Variants in IGF2R observed in about 807,000 individuals in gnomAD.
The protein encoded by IGF2R is insulin like growth factor 2 receptor.
In IGF2R, 91 loss-of-function variants were observed where a neutral mutation model predicts 270.6. The ratio of observed to expected loss-of-function variants is 0.34; its 90% CI spans 0.28 to 0.40. The LOEUF (loss-of-function observed/expected upper bound fraction) is 0.40, where lower values mean the gene tolerates loss of function less well. Among genes scored for constraint, IGF2R ranks in the 10% least tolerant of loss-of-function variants. The pLI, the probability that IGF2R is intolerant of heterozygous loss-of-function variation, is 1.00. For synonymous variants in IGF2R, 1,316 were observed against 1,258.9 expected, an observed-to-expected ratio of 1.05 and a Z score of -0.96; for missense variants, 2,805 against 3,188.3, an observed-to-expected ratio of 0.88 and a Z score of 2.90.
chr6:159,976,130 C>T (rs962513075), intron 1 of IGF2R, among the ~76,000 whole-genome samples: 2 of 152,054 alleles, frequency 1.3e-5, no homozygotes, highest in Non-Finnish European at 2.9e-5. Flanking sequence ...CTGGCAGGCT[C>T]TTAGGTGGAA....
chr6:160,078,798 G>C (rs1357999626), intron 37 of IGF2R, among the ~76,000 whole-genome samples: 2 of 152,194 alleles, frequency 1.3e-5, no homozygotes, highest in African/African-American at 4.8e-5. Flanking sequence ...GATTGTGGCA[G>C]CTTTGGGAAG....
At chr6:159,991,401 C>A in intron 2 of IGF2R, 78 bp downstream of exon 2, 2 of 1,180,558 alleles carry the variant, frequency 1.7e-6, no homozygotes, top group South Asian at 1.5e-5. Flanking sequence ...TATAGCTATA[C>A]GTATATAGCG....
intron 11 of IGF2R, among the ~76,000 whole-genome samples, chr6:160,041,526 G>A (rs1326267237): frequency 6.6e-6 from 1 of 152,178 alleles, no homozygotes; most frequent in African/African-American, 2.4e-5. Flanking sequence ...ATCAGTAGGT[G>A]CAGCAAACCA....
chr6:160,066,159 C>T (rs1043241952), intron 29 of IGF2R, among the ~76,000 whole-genome samples: 6 of 151,862 alleles, frequency 4.0e-5, no homozygotes, highest in South Asian at 2.1e-4. Flanking sequence ...GGATTACAGG[C>T]GCCCGCCACC....
intron 39 of IGF2R, among the ~76,000 whole-genome samples, chr6:160,083,384 A>G (rs1171571702): frequency 6.6e-6 from 1 of 152,210 alleles, no homozygotes; most frequent in African/African-American, 2.4e-5. Flanking sequence ...ATCGGGTTTT[A>G]TACCGAGACA....
intron 22 of IGF2R, among the ~76,000 whole-genome samples, chr6:160,059,447 C>T (rs1778385387): frequency 6.6e-6 from 1 of 152,204 alleles, no homozygotes; most frequent in Non-Finnish European, 1.5e-5. Context: ...ACAAATTGAG[C>T]TTCATCCTCT....
chr6:160,023,115 T>A (rs1777474010), intron 4 of IGF2R, among the ~76,000 whole-genome samples: 1 of 152,060 alleles, frequency 6.6e-6, no homozygotes, highest in Non-Finnish European at 1.5e-5. Context: ...GCTGAGGTAG[T>A]AGGGCACTGA....
chr6:160,020,684 T>C (rs1010459012), intron 4 of IGF2R, among the ~76,000 whole-genome samples: 6 of 152,126 alleles, frequency 3.9e-5, no homozygotes, highest in African/African-American at 1.4e-4. Flanking sequence ...GACAAAAACA[T>C]ACACTGGGGA....
chr6:160,062,201 T>G, intron 25 of IGF2R, among the ~76,000 whole-genome samples: 1 of 133,142 alleles, frequency 7.5e-6, no homozygotes, highest in Non-Finnish European at 1.6e-5. Flanking sequence ...TGAGATGGAG[T>G]CTTACTCTGT....
intron 20 of IGF2R, among the ~76,000 whole-genome samples, 194 bp downstream of exon 20, chr6:160,056,719 C>G (rs968293125): frequency 2.0e-5 from 3 of 152,192 alleles, no homozygotes; most frequent in Non-Finnish European, 4.4e-5. Flanking sequence ...GGATAAGAAC[C>G]AGGTCCCTCA....
intron 4 of IGF2R, among the ~76,000 whole-genome samples, chr6:160,016,047 A>G (rs1361406464): frequency 6.6e-6 from 1 of 152,184 alleles, no homozygotes; most frequent in African/African-American, 2.4e-5. Context: ...TTCTTTATAA[A>G]TTACCCAGTC....
chr6:160,061,481 G>A lies in IGF2R; in HGVS notation c.3263-22G>A, dbSNP rs55987231. The A allele has an allele frequency of 4.9e-3, 7,885 of 1,611,954 alleles. 34 individuals carry two copies. Among genetic ancestry groups the A allele is most frequent in the Non-Finnish European group, 6.0e-3 (7,102 of 1,178,814 alleles). On this transcript the variant is annotated intron_variant, in intron 23 of 47. Coordinates refer to ENST00000356956, the MANE Select transcript of IGF2R (RefSeq NM_000876.4). ...TCACAAGGAGGCAGAGTTCTCCAGC[G>A]TGGTTTTTTGTTGTGTTTCAGACCT... is the stretch of plus-strand genomic sequence containing the variant.
rs551602405 is a variant in IGF2R at position 160,067,188 on chromosome 6, G to A, written c.4116-1061G>A. 5.9e-5 allele frequency among the ~76,000 whole-genome samples: 9 copies of A among 152,182 alleles called. No homozygotes were observed. The South Asian group carries it at 1.0e-3, about 18-fold the overall frequency. ...GCCACACGGGGTTTCTGTCTTTCTC[G>A]GGTCATGTCGGGCTTATGTGCCTCG... On this transcript the variant is annotated intron_variant, in intron 29 of 47. Coordinates refer to ENST00000356956, the MANE Select transcript of IGF2R (RefSeq NM_000876.4).
At chr6:160,096,034 A>G (rs1779349022) in intron 44 of IGF2R, 1 of 154,912 alleles carries the variant, frequency 6.5e-6, no homozygotes, top group Non-Finnish European at 1.4e-5. Context: ...TAGAAAGGGA[A>G]GAATATCTGA....
In IGF2R at chr6:160,105,933, G is replaced by A. The variant is rs1191783096; in HGVS notation, c.*849G>A. ...TGTGTGTGTGTGTGTGTGTGTGTGTGTGTGTGAGTGGAGTTGAGGTGTCAG... is the reference window on the plus strand; with the variant it reads ...TGTGTGTGTGTGTGTGTGTGTGTGTATGTGTGAGTGGAGTTGAGGTGTCAG... On this transcript the variant is annotated 3_prime_UTR_variant, in exon 48 of 48. Coordinates refer to ENST00000356956, the MANE Select transcript of IGF2R (RefSeq NM_000876.4). 1 of 152,412 alleles carries A rather than the reference G, an allele frequency of 6.6e-6. No homozygotes were observed. The highest frequency in any genetic ancestry group is 1.9e-4 in the East Asian group (1 of 5,210). The allele number at this position is 152,412 out of a possible 1,614,324, so 9.4% of individuals were successfully genotyped here.
At chr6:160,065,814 G>GTGTGTGTATATATATGTA in intron 29 of IGF2R, among the ~76,000 whole-genome samples, 1 of 78,392 alleles carries the variant, frequency 1.3e-5, no homozygotes, top group East Asian at 3.0e-4. Context: ...GTGTGTGTGT[G>GTGTGTGTATATATATGTA]TATATATATA....
Position 160,084,300 on chromosome 6 carries a change from G to A in IGF2R, c.6068+116G>A. On this transcript the variant is annotated intron_variant, in intron 40 of 47. Coordinates refer to ENST00000356956, the MANE Select transcript of IGF2R (RefSeq NM_000876.4). The surrounding 1 kb of genome is among the most constrained non-coding windows in gnomAD (Gnocchi z 4.6). ...AGATGGGAATACTATGCCCATGTGA[G>A]GCTGATGGTGGTTGAGTTGTGACTG... 1 of 652,440 alleles carries A rather than the reference G, an allele frequency of 1.5e-6. No homozygotes were observed. The highest frequency in any genetic ancestry group is 2.7e-6 in the Non-Finnish European group (1 of 365,886). The allele number at this position is 652,440 out of a possible 1,614,324, so 40.4% of individuals were successfully genotyped here.
At chr6:160,012,764 T>TATATATATA (rs538085462) in intron 4 of IGF2R, among the ~76,000 whole-genome samples, 4 of 60,426 alleles carry the variant, frequency 6.6e-5, no homozygotes, top group East Asian at 7.5e-4. Flanking sequence ...TATATATATA[T>TATATATATA]TTTTTTTTTT....
At chr6:160,100,685 G>T (rs1423470312) in intron 45 of IGF2R, among the ~76,000 whole-genome samples, 1 of 123,236 alleles carries the variant, frequency 8.1e-6, no homozygotes, top group African/African-American at 2.9e-5. Flanking sequence ...GAAAACTTTA[G>T]CAAAAATTAA....
Sources: allele counts gnomAD v4.1 joint callset (sites outside exome capture counted in the v4.1 genomes callset), GRCh38; gene constraint gnomAD v4.1.1; non-coding constraint Gnocchi (gnomAD v3.1); transcripts MANE v1.5; gene names NCBI Gene and HGNC (gene_info 2026-07-23, HGNC 2026-07-21).